AUH: variants seen among roughly 807,000 people sequenced by gnomAD.
AUH encodes AU RNA binding methylglutaconyl-CoA hydratase, also known as methylglutaconyl-CoA hydratase, mitochondrial.
Under a neutral mutation model 42.3 loss-of-function variants are expected in AUH, and 29 were observed. That is an observed-to-expected ratio of 0.69 (90% CI 0.51 to 0.93). The LOEUF is 0.93. AUH is among the 40% of genes least tolerant of loss of function. AUH has a pLI of 0.00. For synonymous variants in AUH, 174 were observed against 166.4 expected, an observed-to-expected ratio of 1.05 and a Z score of -0.35; for missense variants, 452 against 438.1, an observed-to-expected ratio of 1.03 and a Z score of -0.28.
intron 3 of AUH, among the ~76,000 whole-genome samples, chr9:91,344,572 G>T (rs1178435955): frequency 6.6e-6 from 1 of 152,134 alleles, no homozygotes; most frequent in East Asian, 1.9e-4. Context: ...ATTTATTAAA[G>T]ATATCAAATT....
intron 6 of AUH, among the ~76,000 whole-genome samples, chr9:91,248,889 C>T (rs1014714621): frequency 6.6e-6 from 1 of 152,200 alleles, no homozygotes; most frequent in African/African-American, 2.4e-5. Flanking sequence ...TATTAGCAGG[C>T]TAGCACAATG....
chr9:91,329,018 A>AT (rs1337152563), intron 3 of AUH, among the ~76,000 whole-genome samples: 2 of 152,184 alleles, frequency 1.3e-5, no homozygotes, highest in African/African-American at 4.8e-5. Flanking sequence ...AAATTCATAC[A>AT]ATATGTGGTC....
At chr9:91,288,239 A>G (rs1223765355) in intron 6 of AUH, among the ~76,000 whole-genome samples, 1 of 152,058 alleles carries the variant, frequency 6.6e-6, no homozygotes, top group Non-Finnish European at 1.5e-5. Flanking sequence ...ATCTGCCACT[A>G]TTTTCTCTGT....
At chr9:91,225,900 A>G (rs894284359) in intron 6 of AUH, among the ~76,000 whole-genome samples, 5 of 151,494 alleles carry the variant, frequency 3.3e-5, no homozygotes, top group African/African-American at 1.2e-4. Flanking sequence ...TTATGGCTGC[A>G]TAGTATTCCA....
intron 6 of AUH, among the ~76,000 whole-genome samples, chr9:91,295,759 G>C (rs1827275199): frequency 1.3e-5 from 2 of 152,216 alleles, no homozygotes; most frequent in Admixed American, 1.3e-4. Context: ...ACAGACTGCA[G>C]ATAGTGTAAA....
chr9:91,258,972 T>A lies in AUH; in HGVS notation c.655+37049A>T, dbSNP rs192605080. On this transcript the variant is annotated intron_variant, in intron 6 of 9. Coordinates refer to ENST00000375731, the MANE Select transcript of AUH (RefSeq NM_001698.3). ...TACACCTGTTTTCATGAGGGATGCT[T>A]GTCTGTATATATCTTTCATTAACTA... is the stretch of plus-strand genomic sequence containing the variant. Among the ~76,000 whole-genome samples the A allele has an allele frequency of 3.8e-4, 58 of 152,340 alleles. 3 individuals carry two copies. The East Asian group carries it at 0.011, about 28-fold the overall frequency.
intron 6 of AUH, among the ~76,000 whole-genome samples, chr9:91,281,098 T>C (rs563029613): frequency 7.2e-5 from 11 of 152,222 alleles, no homozygotes; most frequent in African/African-American, 2.4e-4. Context: ...TTTGATTTTT[T>C]CCCCCCTGAA....
intron 3 of AUH, among the ~76,000 whole-genome samples, chr9:91,327,632 A>C (rs1194979435): frequency 6.6e-6 from 1 of 152,174 alleles, no homozygotes; most frequent in African/African-American, 2.4e-5. Flanking sequence ...TCGCGGGACA[A>C]GGACCTGGAA....
chr9:91,359,961 A>G (rs1832723879), intron 1 of AUH, among the ~76,000 whole-genome samples: 1 of 152,074 alleles, frequency 6.6e-6, no homozygotes, highest in Non-Finnish European at 1.5e-5. Flanking sequence ...GGCGGGGTCA[A>G]CTTTAAGAAA....
At chr9:91,296,773 T>C (rs1827367895) in intron 5 of AUH, among the ~76,000 whole-genome samples, 1 of 152,136 alleles carries the variant, frequency 6.6e-6, no homozygotes, top group Admixed American at 6.5e-5. Flanking sequence ...TAAAATGAAG[T>C]GAAAAGGAGG....
chr9:91,307,908 A>G (rs1828356142), intron 4 of AUH, among the ~76,000 whole-genome samples: 1 of 152,208 alleles, frequency 6.6e-6, no homozygotes, highest in Non-Finnish European at 1.5e-5. Context: ...GAAAGGTGGG[A>G]AGGAATAATT....
At chr9:91,265,368 AT>A (rs1462537742) in intron 6 of AUH, among the ~76,000 whole-genome samples, 1 of 151,308 alleles carries the variant, frequency 6.6e-6, no homozygotes, top group East Asian at 1.9e-4. Flanking sequence ...CATTTCAGCA[AT>A]CCTTTAAAAA....
At chr9:91,265,079 A>G (rs1829898603) in intron 6 of AUH, among the ~76,000 whole-genome samples, 1 of 151,696 alleles carries the variant, frequency 6.6e-6, no homozygotes, top group Non-Finnish European at 1.5e-5. Flanking sequence ...ACAAATACAC[A>G]CCCACAGTGA....
Position 91,285,859 on chromosome 9 carries a change from G to A in AUH, c.655+10162C>T, listed in dbSNP as rs111304035. 8.1e-4 allele frequency among the ~76,000 whole-genome samples: 124 copies of A among 152,240 alleles called. 1 individual carries two copies. The highest frequency in any genetic ancestry group is 2.9e-3 in the African/African-American group (120 of 41,544). On this transcript the variant is annotated intron_variant, in intron 6 of 9. Transcript: ENST00000375731. ...TGTTAATATGTTAATAAATACACTG[G>A]ACTTCAGAAGGCTGAATCAGTGCCA...
intron 1 of AUH, among the ~76,000 whole-genome samples, chr9:91,356,431 G>A (rs1832422490): frequency 6.6e-6 from 1 of 152,188 alleles, no homozygotes; most frequent in East Asian, 1.9e-4. Flanking sequence ...TCATCTTCAA[G>A]TAGATACCAA....
chr9:91,249,350 T>A (rs988261355), intron 6 of AUH, among the ~76,000 whole-genome samples: 3 of 142,986 alleles, frequency 2.1e-5, no homozygotes. Flanking sequence ...AACACTGACC[T>A]GGAGTTCTGT....
In AUH at chr9:91,296,096, A is replaced by C. The variant is rs766580183; in HGVS notation, c.599-19T>G. 9 of 1,612,590 alleles carry C rather than the reference A, an allele frequency of 5.6e-6. No homozygotes were observed. Among genetic ancestry groups the C allele is most frequent in the Non-Finnish European group, 3.4e-6 (4 of 1,178,920 alleles). ...GAGGAAGCTAAAACGAAAGAAAGAA[A>C]ATTAAGTATCATCCATATCATCACA... On this transcript the variant is annotated intron_variant, in intron 5 of 9. Transcript: ENST00000375731.
At chr9:91,225,413 G>A (rs1288647947) in intron 6 of AUH, among the ~76,000 whole-genome samples, 1 of 152,174 alleles carries the variant, frequency 6.6e-6, no homozygotes, top group Non-Finnish European at 1.5e-5. Context: ...AGGGGTAAAA[G>A]TGAAGATAGC....
intron 4 of AUH, among the ~76,000 whole-genome samples, chr9:91,299,890 C>A (rs2131675950): frequency 6.6e-6 from 1 of 152,246 alleles, no homozygotes; most frequent in South Asian, 2.1e-4. Flanking sequence ...AGAAGCCTTC[C>A]TTAGGCCTTG....
Sources: gnomAD v4.1 joint callset for allele counts (sites outside exome capture counted in the v4.1 genomes callset) on GRCh38, gnomAD v4.1.1 for gene constraint, MANE v1.5 for transcripts, NCBI Gene and HGNC (gene_info 2026-07-23, HGNC 2026-07-21) for gene names.